TTLL11: variants seen among roughly 807,000 people sequenced by gnomAD.
The protein encoded by TTLL11 is tubulin polyglutamylase TTLL11.
TTLL11 carries 42 observed loss-of-function variants against 51.7 expected under a neutral mutation model. The observed-to-expected ratio is 0.81, with a 90% CI of 0.64 to 1.05. TTLL11 has a LOEUF of 1.05. TTLL11 is among the 50% of genes least tolerant of loss of function. TTLL11 has a pLI of 0.00. For synonymous variants in TTLL11, 381 were observed against 383.5 expected (o/e 0.99, Z 0.08); for missense variants, 799 against 940.4 (o/e 0.85, Z 1.97).
chr9:121,938,157 T>C (rs10985456), intron 6 of TTLL11, among the ~76,000 whole-genome samples: 44,365 of 151,530 alleles, frequency 0.29, 6,901 homozygotes, highest in African/African-American at 0.4. Context: ...GGCATGGTGG[T>C]GGGCACCTGT....
At chr9:122,058,976 C>T (rs994490043) in intron 1 of TTLL11, among the ~76,000 whole-genome samples, 9 of 152,080 alleles carry the variant, frequency 5.9e-5, no homozygotes, top group East Asian at 1.9e-4. Flanking sequence ...AGGCCACGTA[C>T]GGCTTTCAGT....
chr9:121,863,717 T>A (rs1312914695), intron 7 of TTLL11, among the ~76,000 whole-genome samples: 1 of 152,264 alleles, frequency 6.6e-6, no homozygotes, highest in Non-Finnish European at 1.5e-5. Context: ...ACTATCTGTA[T>A]GCTAGGGCTT....
At chr9:121,994,092 A>G (rs367804786) in intron 3 of TTLL11, among the ~76,000 whole-genome samples, 11 of 152,242 alleles carry the variant, frequency 7.2e-5, no homozygotes, top group African/African-American at 2.6e-4. Context: ...TTCTGAGTCC[A>G]CTTAAGATGG....
chr9:121,975,220 G>A (rs935538512), intron 4 of TTLL11, among the ~76,000 whole-genome samples: 1 of 152,200 alleles, frequency 6.6e-6, no homozygotes, highest in African/African-American at 2.4e-5. Flanking sequence ...TTTGTCGTCT[G>A]AAGGGCTGTT....
intron 1 of TTLL11, among the ~76,000 whole-genome samples, chr9:122,080,250 T>C (rs1845968425): frequency 6.6e-6 from 1 of 152,202 alleles, no homozygotes; most frequent in Admixed American, 6.5e-5. Flanking sequence ...CAAAAGTAAG[T>C]ATTTATAGGA....
At chr9:122,038,559 G>C (rs1844761910) in intron 2 of TTLL11, among the ~76,000 whole-genome samples, 1 of 152,200 alleles carries the variant, frequency 6.6e-6, no homozygotes, top group Non-Finnish European at 1.5e-5. Flanking sequence ...TGAGGCAGGA[G>C]AATTGCTTGA....
chr9:121,940,071 T>C (rs1251267254), intron 6 of TTLL11, among the ~76,000 whole-genome samples: 3 of 152,212 alleles, frequency 2.0e-5, no homozygotes, highest in Admixed American at 6.5e-5. Context: ...CCTTCGTTAC[T>C]GGAACATGAC....
At chr9:121,881,678 T>C (rs976526569) in intron 6 of TTLL11, among the ~76,000 whole-genome samples, 1 of 152,202 alleles carries the variant, frequency 6.6e-6, no homozygotes, top group African/African-American at 2.4e-5. Context: ...TGAGTGCCAT[T>C]CTGTATGGGA....
At chr9:121,948,911 G>C (rs1841765426) in intron 6 of TTLL11, among the ~76,000 whole-genome samples, 1 of 152,154 alleles carries the variant, frequency 6.6e-6, no homozygotes, top group Admixed American at 6.5e-5. Context: ...TGGGCACAAA[G>C]GGACCAAAAT....
intron 1 of TTLL11, among the ~76,000 whole-genome samples, chr9:122,040,066 C>T (rs948642963): frequency 1.8e-4 from 27 of 152,240 alleles, no homozygotes; most frequent in Admixed American, 1.6e-3. Flanking sequence ...ATCTGGAAAT[C>T]AGAGATGCCA....
chr9:122,050,173 G>A lies in TTLL11; in HGVS notation c.463-10805C>T, dbSNP rs1044814408. Among the ~76,000 whole-genome samples the A allele has an allele frequency of 3.3e-5, 5 of 152,212 alleles. No homozygotes were observed. The South Asian group carries it at 1.0e-3, about 32-fold the overall frequency. ...TAAAACCTGTCCACCTCCCAGGGCT[G>A]TTATGTGGACTGCGATAACACATGG... On this transcript the variant is annotated intron_variant, in intron 1 of 8. Transcript: ENST00000321582.
intron 1 of TTLL11, among the ~76,000 whole-genome samples, chr9:122,051,306 G>T (rs1413688592): frequency 6.6e-6 from 1 of 152,152 alleles, no homozygotes; most frequent in African/African-American, 2.4e-5. Flanking sequence ...GACTAAGGGG[G>T]ATGGATGGAT....
rs148536880 is a variant in TTLL11 at position 122,039,363 on chromosome 9, T to C, written c.468A>G (p.Pro156=). ...TGTCACAAGGCAAGCGCCGGCCAAA[T>C]GGGAACTAGAAGAGAAAAAATGTGA... is the stretch of plus-strand genomic sequence containing the variant. ...SIRQLKWKEF[P]FGRRLPCDIY... The change falls in exon 2 of 9, where the codon CCA becomes CCG. Residue 156 remains proline (P), a synonymous_variant. Coordinates refer to ENST00000321582, the MANE Select transcript of TTLL11 (RefSeq NM_001139442.2). 66 of 1,613,650 alleles carry C rather than the reference T, an allele frequency of 4.1e-5. No homozygotes were observed. In the African/African-American group the frequency reaches 8.4e-4, roughly 21 times the overall value.
chr9:121,895,407 T>C (rs1839428677), intron 6 of TTLL11, among the ~76,000 whole-genome samples: 1 of 151,906 alleles, frequency 6.6e-6, no homozygotes, highest in South Asian at 2.1e-4. Flanking sequence ...TGTGTGACTG[T>C]GTGTGCATGA....
At chr9:121,868,311 C>A (rs1395072370) in intron 7 of TTLL11, among the ~76,000 whole-genome samples, 2 of 152,136 alleles carry the variant, frequency 1.3e-5, no homozygotes, top group Non-Finnish European at 2.9e-5. Context: ...CAGAGCCTGC[C>A]TACCTATCTG....
At chr9:122,049,172 T>C (rs184671320) in intron 1 of TTLL11, among the ~76,000 whole-genome samples, 1 of 152,348 alleles carries the variant, frequency 6.6e-6, no homozygotes, top group African/African-American at 2.4e-5. Flanking sequence ...CTCAAATACA[T>C]GTCATCATCA....
intron 3 of TTLL11, among the ~76,000 whole-genome samples, chr9:122,023,959 G>A (rs183218381): frequency 6.6e-6 from 1 of 152,178 alleles, no homozygotes; most frequent in Admixed American, 6.5e-5. Flanking sequence ...TCTAGCCAGT[G>A]CCATAAGGCA....
intron 6 of TTLL11, among the ~76,000 whole-genome samples, chr9:121,882,648 T>A (rs1838843434): frequency 6.6e-6 from 1 of 152,104 alleles, no homozygotes; most frequent in African/African-American, 2.4e-5. Context: ...TCCTGGGCGT[T>A]CTTATTCACA....
At chr9:121,970,589 T>C (rs942381889) in intron 6 of TTLL11, among the ~76,000 whole-genome samples, 5 of 151,922 alleles carry the variant, frequency 3.3e-5, no homozygotes, top group African/African-American at 1.2e-4. Context: ...CCAACAAAGA[T>C]ATGAAAAAAA....
Sources: gnomAD v4.1 joint callset for allele counts (sites outside exome capture counted in the v4.1 genomes callset) on GRCh38, gnomAD v4.1.1 for gene constraint, MANE v1.5 for transcripts, NCBI Gene and HGNC (gene_info 2026-07-23, HGNC 2026-07-21) for gene names.